Variants in IGF2BP3 observed in about 807,000 individuals in gnomAD.
IGF2BP3 encodes the protein insulin-like growth factor 2 mRNA-binding protein 3.
In IGF2BP3, 9 loss-of-function variants were observed where a neutral mutation model predicts 73.8. The ratio of observed to expected loss-of-function variants is 0.12; its 90% CI spans 0.07 to 0.21. The LOEUF is 0.21. Among genes scored for constraint, IGF2BP3 ranks in the 10% least tolerant of loss-of-function variants. IGF2BP3 has a pLI of 1.00. For missense variants in IGF2BP3, 542 were observed against 714.0 expected (o/e 0.76, Z 2.75); for synonymous variants, 258 against 256.7 (o/e 1.01, Z -0.05).
intron 5 of IGF2BP3, among the ~76,000 whole-genome samples, chr7:23,352,429 T>C (rs558228626): frequency 3.9e-5 from 6 of 152,044 alleles, no homozygotes; most frequent in African/African-American, 1.4e-4. Flanking sequence ...ACTGGGATTA[T>C]AGGCATGCAC....
intron 3 of IGF2BP3, among the ~76,000 whole-genome samples, chr7:23,402,010 G>T (rs865957832): frequency 6.6e-6 from 1 of 151,630 alleles, no homozygotes; most frequent in African/African-American, 2.4e-5. Context: ...CCAGCTACTC[G>T]GGAGGCTGAG....
intron 3 of IGF2BP3, among the ~76,000 whole-genome samples, chr7:23,408,978 G>GC (rs199616150): frequency 0.029 from 4,447 of 151,626 alleles, 210 homozygotes; most frequent in African/African-American, 0.1. Flanking sequence ...AGTGGGGATG[G>GC]GGGGGATGGC....
At chr7:23,340,094 C>T (rs966732721) in intron 10 of IGF2BP3, among the ~76,000 whole-genome samples, 1 of 152,202 alleles carries the variant, frequency 6.6e-6, no homozygotes, top group Admixed American at 6.5e-5. Context: ...CCTTCAGTGA[C>T]ACAAAATTGT....
intron 3 of IGF2BP3, among the ~76,000 whole-genome samples, chr7:23,398,716 G>C (rs530062560): frequency 3.7e-4 from 56 of 152,278 alleles, no homozygotes; most frequent in Non-Finnish European, 1.3e-4. Flanking sequence ...GTCTTCTTTT[G>C]AGAAGTGTCT....
intron 2 of IGF2BP3, among the ~76,000 whole-genome samples, chr7:23,453,699 T>G (rs1279192533): frequency 6.6e-6 from 1 of 152,058 alleles, no homozygotes; most frequent in Non-Finnish European, 1.5e-5. Flanking sequence ...AATTTACTCT[T>G]TAGCTATATG....
chr7:23,436,844 G>A (rs535972555), intron 2 of IGF2BP3, among the ~76,000 whole-genome samples: 1 of 152,250 alleles, frequency 6.6e-6, no homozygotes, highest in Admixed American at 6.5e-5. Flanking sequence ...GGCTGGGCCC[G>A]GTGGCTCACA....
chr7:23,470,175 G>A lies in IGF2BP3; in HGVS notation c.-65C>T, dbSNP rs1788682553. On this transcript the variant is annotated 5_prime_UTR_variant, in exon 1 of 15. Transcript: ENST00000258729. ...ACGAAAAATTAAAACCACCCACGGT[G>A]ATGGATGGATCCAGCTGGTTTTGTT... The A allele has an allele frequency of 7.5e-7, 1 of 1,334,152 alleles. No individual in the cohort carries two copies. The highest frequency in any genetic ancestry group is 2.4e-5 in the East Asian group (1 of 41,954). The allele number at this position is 1,334,152 out of a possible 1,614,324, so 82.6% of individuals were successfully genotyped here. A position where few individuals can be genotyped will look rare whatever the true frequency, so the allele number is the denominator to read the frequency against.
chr7:23,369,547 G>C (rs1402200311), intron 3 of IGF2BP3, among the ~76,000 whole-genome samples: 2 of 152,244 alleles, frequency 1.3e-5, no homozygotes, highest in African/African-American at 4.8e-5. Flanking sequence ...TGGACAAACA[G>C]AACCAGTTTG....
rs112300595 is a variant in IGF2BP3 at position 23,367,518 on chromosome 7, C to T, written c.286-5777G>A. Among the ~76,000 whole-genome samples, 794 of 151,450 alleles carry T rather than the reference C, an allele frequency of 5.2e-3. 7 individuals carry two copies. Among genetic ancestry groups the T allele is most frequent in the African/African-American group, 0.018 (735 of 41,030 alleles). On this transcript the variant is annotated intron_variant, in intron 3 of 14. Coordinates refer to ENST00000258729, the MANE Select transcript of IGF2BP3 (RefSeq NM_006547.3). ...TCCAACACTTTCACAAGTTCCCATA[C>T]CTAAATAAAATCTTAAACCAGAAAG...
At chr7:23,382,249 C>CA (rs1275235947) in intron 3 of IGF2BP3, among the ~76,000 whole-genome samples, 7 of 151,664 alleles carry the variant, frequency 4.6e-5, no homozygotes, top group Non-Finnish European at 7.4e-5. Context: ...TTTAAAAAAA[C>CA]AAAAAACAAA....
chr7:23,327,017 T>G (rs1784316788), intron 10 of IGF2BP3, among the ~76,000 whole-genome samples: 1 of 151,564 alleles, frequency 6.6e-6, no homozygotes, highest in Admixed American at 6.6e-5. Flanking sequence ...TGTATACATA[T>G]GTAACTAACC....
chr7:23,369,269 G>A (rs139000298), intron 3 of IGF2BP3, among the ~76,000 whole-genome samples: 2 of 152,056 alleles, frequency 1.3e-5, no homozygotes, highest in South Asian at 4.2e-4. Flanking sequence ...TTAAGAAGTG[G>A]ACACCACATG....
chr7:23,373,749 C>T (rs548996908), intron 3 of IGF2BP3, among the ~76,000 whole-genome samples: 1 of 152,302 alleles, frequency 6.6e-6, no homozygotes, highest in Admixed American at 6.5e-5. Flanking sequence ...TGCTGAAATG[C>T]GATCCCCAGT....
intron 5 of IGF2BP3, among the ~76,000 whole-genome samples, chr7:23,359,724 A>G (rs1785178475): frequency 6.6e-6 from 1 of 152,056 alleles, no homozygotes; most frequent in Non-Finnish European, 1.5e-5. Context: ...CTCATAACCC[A>G]GCCTCAAAAT....
intron 2 of IGF2BP3, among the ~76,000 whole-genome samples, chr7:23,461,280 A>C (rs775797388): frequency 6.6e-6 from 1 of 152,100 alleles, no homozygotes; most frequent in Non-Finnish European, 1.5e-5. Flanking sequence ...CTACAGCCAT[A>C]GGCTCAGTCC....
intron 10 of IGF2BP3, among the ~76,000 whole-genome samples, chr7:23,340,542 C>T (rs1784681756): frequency 6.6e-6 from 1 of 152,064 alleles, no homozygotes; most frequent in African/African-American, 2.4e-5. Context: ...CAACCTATTC[C>T]ACCTGGACAT....
intron 5 of IGF2BP3, among the ~76,000 whole-genome samples, chr7:23,354,706 G>T (rs1039169123): frequency 6.6e-6 from 1 of 152,162 alleles, no homozygotes. Context: ...GTGGGGAAAA[G>T]AAAAGATTCT....
chr7:23,321,293 G>A (rs975193680), intron 10 of IGF2BP3, among the ~76,000 whole-genome samples: 1 of 152,200 alleles, frequency 6.6e-6, no homozygotes, highest in Non-Finnish European at 1.5e-5. Context: ...CCCTTTCCTA[G>A]TCAAAGAAAG....
chr7:23,430,342 T>A (rs1301222174), intron 2 of IGF2BP3, among the ~76,000 whole-genome samples: 1 of 152,158 alleles, frequency 6.6e-6, no homozygotes, highest in African/African-American at 2.4e-5. Flanking sequence ...CTCGGCGGGA[T>A]TACAGGCAGG....
Sources: allele counts gnomAD v4.1 joint callset (sites outside exome capture counted in the v4.1 genomes callset), GRCh38; gene constraint gnomAD v4.1.1; transcripts MANE v1.5; gene names NCBI Gene and HGNC (gene_info 2026-07-23, HGNC 2026-07-21).